Variants in SLC38A11 observed in about 807,000 individuals in gnomAD.
SLC38A11 encodes the protein solute carrier family 38 member 11, also known as putative sodium-coupled neutral amino acid transporter 11.
A neutral mutation model predicts 49.4 loss-of-function variants in SLC38A11; 51 were observed. The ratio of observed to expected loss-of-function variants is 1.03; its 90% CI spans 0.83 to 1.30. The LOEUF (loss-of-function observed/expected upper bound fraction) is 1.30. SLC38A11 is among the 50% of genes most tolerant of loss of function. The pLI is 0.00. For missense variants in SLC38A11, 574 were observed against 556.2 expected (o/e 1.03, Z -0.32); for synonymous variants, 203 against 192.9 (o/e 1.05, Z -0.43).
At chr2:164,950,360 G>T (rs936264983) in intron 3 of SLC38A11, among the ~76,000 whole-genome samples, 51 of 152,184 alleles carry the variant, frequency 3.4e-4, no homozygotes, top group African/African-American at 1.2e-3. Flanking sequence ...GGGTATGGTT[G>T]GGATGAGAAC....
intron 10 of SLC38A11, among the ~76,000 whole-genome samples, chr2:164,909,540 C>T (rs373025163): frequency 2.0e-5 from 3 of 150,810 alleles, no homozygotes; most frequent in Non-Finnish European, 3.0e-5. Flanking sequence ...TATCTAGAGC[C>T]GTCTCCTTAC....
At position 164,898,556 on chromosome 2, in the gene SLC38A11, T is replaced by C; in HGVS notation, c.1270A>G (p.Thr424Ala). The C allele has an allele frequency of 6.2e-7, 1 of 1,613,450 alleles. No individual in the cohort carries two copies. The highest frequency in any genetic ancestry group is 8.5e-7 in the Non-Finnish European group (1 of 1,179,718). Residue 424 changes from threonine to alanine, a missense_variant, in exon 12 of 12, where the codon ACC (threonine) becomes GCC (alanine). Coordinates refer to ENST00000685975, the MANE Select transcript of SLC38A11 (RefSeq NM_001351537.2). ...CAGTAGAACATTTCCTGCCCATGGG[T>C]GCAGTCTTGAGTATTTGTAATAGCC... ...VMAITNTQDC[T>A]HGQEMFYCFP...
At chr2:164,915,545 C>G (rs1317702490) in intron 8 of SLC38A11, 1 of 428,010 alleles carries the variant, frequency 2.3e-6, no homozygotes, top group East Asian at 3.5e-5. Context: ...ATGACCCTTC[C>G]CATCTGAAGG....
chr2:164,924,726 ATTATTTATTAT>A (rs1686445204), intron 7 of SLC38A11, among the ~76,000 whole-genome samples: 6 of 151,740 alleles, frequency 4.0e-5, no homozygotes, highest in Admixed American at 3.3e-4. Context: ...AATTTTATTT[ATTATTTATTAT>A]TTATTTATTT....
At chr2:164,954,578 G>C (rs762403675) in intron 2 of SLC38A11, 53 bp downstream of exon 2, 2 of 760,346 alleles carry the variant, frequency 2.6e-6, no homozygotes. Context: ...AGCGTAGCGA[G>C]TCTTAAATTT....
At chr2:164,923,712 G>T (rs771606828) in intron 7 of SLC38A11, among the ~76,000 whole-genome samples, 1 of 151,914 alleles carries the variant, frequency 6.6e-6, no homozygotes, top group Non-Finnish European at 1.5e-5. Context: ...TAGGAGGATT[G>T]CTTGAGCCTA....
intron 11 of SLC38A11, among the ~76,000 whole-genome samples, chr2:164,906,146 G>A (rs1031924357): frequency 1.3e-5 from 2 of 152,040 alleles, no homozygotes; most frequent in Admixed American, 1.3e-4. Flanking sequence ...GAATGTTCAG[G>A]CAGATAATAA....
chr2:164,933,752 G>A (rs1242127899), intron 7 of SLC38A11, among the ~76,000 whole-genome samples: 3 of 151,968 alleles, frequency 2.0e-5, no homozygotes, highest in East Asian at 1.9e-4. Flanking sequence ...AGCATTCATC[G>A]CTGTCATATT....
At chr2:164,906,694 A>G (rs1685030848) in intron 11 of SLC38A11, among the ~76,000 whole-genome samples, 1 of 152,188 alleles carries the variant, frequency 6.6e-6, no homozygotes, top group Non-Finnish European at 1.5e-5. Flanking sequence ...ACTGGGAAGA[A>G]GGTAAAAGTT....
At chr2:164,951,869 C>A in intron 3 of SLC38A11, among the ~76,000 whole-genome samples, 1 of 152,082 alleles carries the variant, frequency 6.6e-6, no homozygotes, top group Non-Finnish European at 1.5e-5. Flanking sequence ...CCCTGGAGGC[C>A]CAGGGCAACA....
chr2:164,954,633 A>C lies in SLC38A11; in HGVS notation c.152T>G (p.Ile51Arg). 4.0e-6 allele frequency: 6 copies of C among 1,496,460 alleles called. No homozygotes were observed. Among genetic ancestry groups the C allele is most frequent in the Non-Finnish European group, 5.4e-6 (6 of 1,111,382 alleles). The allele number at this position is 1,496,460 out of a possible 1,614,324, so 92.7% of individuals were successfully genotyped here. ...VVNSIIGSGI[I>R]GLPYSMKQAG... ...TAAACCAAAGCAAATACACTTACCT[A>C]TTATACCAGATCCTATAATCGAGTT... The change falls in exon 2 of 12, where the codon ATA (isoleucine) becomes AGA (arginine). Residue 51 changes from isoleucine to arginine, a missense_variant and splice_region_variant. Physicochemically the swap from Ile to Arg is moderately conservative, Grantham distance 97. Transcript: ENST00000685975.
chr2:164,955,440 G>T lies in SLC38A11; in HGVS notation c.-193C>A. ...GCTGCAGCCCCAAGATCTCTAGGCT[G>T]TGGCAGCCTGGGGCGCTTTTCCACC... On this transcript the variant is annotated 5_prime_UTR_variant, in exon 1 of 12. Coordinates refer to ENST00000685975, the MANE Select transcript of SLC38A11 (RefSeq NM_001351537.2). 1.8e-6 allele frequency: 1 copy of T among 565,206 alleles called. No homozygotes were observed. The highest frequency in any genetic ancestry group is 3.2e-6 in the Non-Finnish European group (1 of 317,394). The allele number at this position is 565,206 out of a possible 1,614,324, so 35.0% of individuals were successfully genotyped here.
rs145948251 is a variant in SLC38A11, at chr2:164,894,804, A to G, written c.*3633T>C. The stretch of plus-strand genomic sequence containing the variant: ...TCTAGATGATTTTTCAAAGAGGCAA[A>G]GGATAACACATTTAATATGTACCAA... On this transcript the variant is annotated 3_prime_UTR_variant, in exon 12 of 12. Transcript: ENST00000685975. Among the ~76,000 whole-genome samples, 617 of 152,240 alleles carry G rather than the reference A, an allele frequency of 4.1e-3. 1 individual carries two copies. The highest frequency in any genetic ancestry group is 0.013 in the African/African-American group (534 of 41,548).
At chr2:164,930,915 G>A (rs111497471) in intron 7 of SLC38A11, among the ~76,000 whole-genome samples, 1 of 151,998 alleles carries the variant, frequency 6.6e-6, no homozygotes, top group Non-Finnish European at 1.5e-5. Context: ...GAGCAATCAG[G>A]CAAGAGAAAG....
chr2:164,908,120 G>T (rs1008724140), intron 11 of SLC38A11: 5 of 152,030 alleles, frequency 3.3e-5, no homozygotes, highest in African/African-American at 7.2e-5. Context: ...TAAAGAAAAA[G>T]AAATTTTGTC....
chr2:164,898,577 T>A lies in SLC38A11; in HGVS notation c.1249A>T (p.Ile417Phe). The change falls in exon 12 of 12, where the codon ATT becomes TTT. Residue 417 changes from isoleucine to phenylalanine, a missense_variant. Coordinates refer to ENST00000685975, the MANE Select transcript of SLC38A11 (RefSeq NM_001351537.2). ...TGGGTGCAGTCTTGAGTATTTGTAA[T>A]AGCCATGACGAATCCAAAAACCATC... is the stretch of plus-strand genomic sequence containing the variant. Reference protein sequence around the residue: ...VVMVFGFVMAITNTQDCTHGQ... With the variant: ...VVMVFGFVMAFTNTQDCTHGQ... 6.2e-7 allele frequency: 1 copy of A among 1,613,616 alleles called. No homozygotes were observed. Among genetic ancestry groups the A allele is most frequent in the East Asian group, 2.2e-5 (1 of 44,828 alleles).
Position 164,915,893 on chromosome 2 carries a change from A to T in SLC38A11, c.688+10T>A, listed in dbSNP as rs781034830. ...ACATTGAGAAAGGGCCTTTGAAACC[A>T]AATACTCACCAAAAGACATAACCCC... On this transcript the variant is annotated intron_variant, in intron 8 of 11. Coordinates refer to ENST00000685975, the MANE Select transcript of SLC38A11 (RefSeq NM_001351537.2). 6.3e-7 allele frequency: 1 copy of T among 1,593,060 alleles called. No individual in the cohort carries two copies. Among genetic ancestry groups the T allele is most frequent in the East Asian group, 2.2e-5 (1 of 44,550 alleles).
At chr2:164,916,690 T>G (rs1007415731) in intron 7 of SLC38A11, among the ~76,000 whole-genome samples, 1 of 152,160 alleles carries the variant, frequency 6.6e-6, no homozygotes, top group East Asian at 1.9e-4. Context: ...CAACTGTAGA[T>G]GTATTTCTCA....
chr2:164,942,492 A>G (rs552779248), intron 5 of SLC38A11, among the ~76,000 whole-genome samples: 29 of 152,048 alleles, frequency 1.9e-4, no homozygotes, highest in African/African-American at 6.5e-4. Context: ...ACCCTTAAGA[A>G]AAACCTTGAA....
Sources: gnomAD v4.1 joint callset for allele counts (sites outside exome capture counted in the v4.1 genomes callset) on GRCh38, gnomAD v4.1.1 for gene constraint, MANE v1.5 for transcripts, NCBI Gene and HGNC (gene_info 2026-07-23, HGNC 2026-07-21) for gene names.